ATAD2: variants seen among roughly 807,000 people sequenced by gnomAD.
The protein encoded by ATAD2 is ATPase family AAA domain containing 2, also known as ATPase family AAA domain-containing protein 2.
ATAD2 carries 62 observed loss-of-function variants against 168.9 expected under a neutral mutation model. The ratio of observed to expected loss-of-function variants is 0.37; its 90% CI spans 0.30 to 0.45. The LOEUF is 0.45. Among genes scored for constraint, ATAD2 ranks in the 20% least tolerant of loss-of-function variants. The pLI is 1.00. For missense variants in ATAD2, 1,419 were observed against 1,667.8 expected (o/e 0.85, Z 2.60); for synonymous variants, 613 against 571.6 (o/e 1.07, Z -1.03).
chr8:123,333,678 A>C (rs541449713), intron 24 of ATAD2, among the ~76,000 whole-genome samples, 200 bp downstream of exon 24: 1 of 152,202 alleles, frequency 6.6e-6, no homozygotes, highest in Non-Finnish European at 1.5e-5. Flanking sequence ...GACAGTCCAC[A>C]ATTAGATGGT....
intron 22 of ATAD2, among the ~76,000 whole-genome samples, chr8:123,334,920 T>G (rs933986331): frequency 6.6e-6 from 1 of 152,200 alleles, no homozygotes; most frequent in African/African-American, 2.4e-5. Context: ...TACAGTACAT[T>G]ACACGCAGAA....
At chr8:123,345,812 A>G in intron 18 of ATAD2, among the ~76,000 whole-genome samples, 1 of 152,264 alleles carries the variant, frequency 6.6e-6, no homozygotes, top group Non-Finnish European at 1.5e-5. Flanking sequence ...AATTCTCACA[A>G]CAGCCATGTG....
At chr8:123,367,553 G>C (rs974060286) in intron 8 of ATAD2, among the ~76,000 whole-genome samples, 1 of 152,030 alleles carries the variant, frequency 6.6e-6, no homozygotes, top group Non-Finnish European at 1.5e-5. Context: ...GTGGTGGTGG[G>C]GATTCTAGGG....
chr8:123,401,762 G>A (rs1440615197), intron 1 of ATAD2: 22 of 748,272 alleles, frequency 2.9e-5, no homozygotes, highest in East Asian at 9.9e-5. Flanking sequence ...GGCCCCCAGC[G>A]AATAGTTCTC....
chr8:123,387,664 G>C (rs915005020), intron 1 of ATAD2, among the ~76,000 whole-genome samples: 4 of 152,154 alleles, frequency 2.6e-5, no homozygotes, highest in African/African-American at 9.7e-5. Context: ...GAAGTTTTAA[G>C]AGAGGAAATG....
chr8:123,326,456 G>A (rs1427702379), intron 25 of ATAD2, among the ~76,000 whole-genome samples: 1 of 151,724 alleles, frequency 6.6e-6, no homozygotes, highest in East Asian at 1.9e-4. Context: ...AATCCCTTGA[G>A]TCCAGGAGTT....
chr8:123,348,030 A>G (rs374379681), intron 15 of ATAD2, 153 bp downstream of exon 15: 29 of 698,770 alleles, frequency 4.2e-5, no homozygotes, highest in Non-Finnish European at 7.3e-5. Context: ...ATAACCTTGT[A>G]TTTCTTTATT....
chr8:123,326,062 A>T, intron 25 of ATAD2, 36 bp from the exon 26 acceptor site: 1 of 1,601,902 alleles, frequency 6.2e-7, no homozygotes, highest in Non-Finnish European at 8.5e-7. Context: ...TATTTGGTCC[A>T]TAGATATTAT....
rs71310666 is a variant in ATAD2 at position 123,329,981 on chromosome 8, C to CTTTTTTTTTTTTTTTT, written c.3479-1418_3479-1403dup. 4.9e-4 allele frequency among the ~76,000 whole-genome samples: 49 copies of CTTTTTTTTTTTTTTTT among 100,312 alleles called. 2 individuals are homozygous for CTTTTTTTTTTTTTTTT. Among genetic ancestry groups the CTTTTTTTTTTTTTTTT allele is most frequent in the African/African-American group, 1.6e-3 (45 of 27,596 alleles). The allele number at this position is 100,312 out of a possible 152,430, so 65.8% of individuals were successfully genotyped here. On this transcript the variant is annotated intron_variant, in intron 24 of 27. Transcript: ENST00000287394. ...AGATTACCTTTCTCCCCAGTGGCTT[C>CTTTTTTTTTTTTTTTT]TTTTTTTTTTTTTTTTTTTTTTTTG...
chr8:123,391,869 G>T (rs772750339), intron 1 of ATAD2, among the ~76,000 whole-genome samples: 2 of 152,142 alleles, frequency 1.3e-5, no homozygotes, highest in Non-Finnish European at 2.9e-5. Flanking sequence ...TGCTCATTAT[G>T]TAACACTGTG....
intron 8 of ATAD2, among the ~76,000 whole-genome samples, chr8:123,366,309 G>C (rs1207278335): frequency 6.6e-6 from 1 of 152,110 alleles, no homozygotes; most frequent in African/African-American, 2.4e-5. Context: ...CTACACTGCT[G>C]GTGGAAAAGT....
chr8:123,380,727 A>G lies in ATAD2; in HGVS notation c.172-50T>C, dbSNP rs770152426. 245 of 1,561,858 alleles carry G rather than the reference A, an allele frequency of 1.6e-4. 1 individual carries two copies. Among genetic ancestry groups the G allele is most frequent in the Non-Finnish European group, 1.9e-4 (223 of 1,150,074 alleles). ...TCTAAGTTTTTCTTTACAAAACTCC[A>G]ATTTAAATTCCTCCAAAGAGTATTC... On this transcript the variant is annotated intron_variant, in intron 1 of 27. Transcript: ENST00000287394.
intron 24 of ATAD2, among the ~76,000 whole-genome samples, chr8:123,332,065 T>A (rs1022808024): frequency 6.6e-6 from 1 of 152,212 alleles, no homozygotes; most frequent in African/African-American, 2.4e-5. Flanking sequence ...CTTAACTTTT[T>A]AAAATAGACT....
chr8:123,347,430 A>T (rs1828285782), intron 15 of ATAD2, 24 bp from the exon 16 acceptor site: 2 of 1,552,722 alleles, frequency 1.3e-6, no homozygotes, highest in Admixed American at 2.0e-5. Context: ...CCAGGGGAAG[A>T]AAAGAACCAG....
At chr8:123,382,121 C>A (rs1471962596) in intron 1 of ATAD2, among the ~76,000 whole-genome samples, 1 of 152,104 alleles carries the variant, frequency 6.6e-6, no homozygotes, top group East Asian at 1.9e-4. Flanking sequence ...CTATGCCCTA[C>A]TACTCTGAAA....
intron 8 of ATAD2, among the ~76,000 whole-genome samples, chr8:123,363,400 T>G (rs1488907680): frequency 6.6e-6 from 1 of 152,216 alleles, no homozygotes; most frequent in East Asian, 1.9e-4. Flanking sequence ...GTTGCCACAC[T>G]ACATATGTTG....
chr8:123,405,377 C>G (rs1813055630), intron 1 of ATAD2, among the ~76,000 whole-genome samples: 1 of 151,818 alleles, frequency 6.6e-6, no homozygotes, highest in Non-Finnish European at 1.5e-5. Flanking sequence ...CTGCCTCAGC[C>G]TCCCGAGTAG....
intron 19 of ATAD2, among the ~76,000 whole-genome samples, chr8:123,342,852 A>AC (rs1305190967): frequency 6.6e-6 from 1 of 151,886 alleles, no homozygotes; most frequent in Non-Finnish European, 1.5e-5. Context: ...TATTTTTCCA[A>AC]CCTGCCAGAC....
upstream of ATAD2, among the ~76,000 whole-genome samples, chr8:123,400,367 C>T (rs1812979232): frequency 6.6e-6 from 1 of 151,834 alleles, no homozygotes; most frequent in Non-Finnish European, 1.5e-5. This position sits in a 1 kb window ranked among gnomAD's most constrained non-coding sequence, Gnocchi z 4.5. Flanking sequence ...CCCCAGGGAG[C>T]TTATTAAACA....
Sources: gnomAD v4.1 joint callset for allele counts (sites outside exome capture counted in the v4.1 genomes callset) on GRCh38, gnomAD v4.1.1 for gene constraint, Gnocchi (gnomAD v3.1) non-coding constraint, MANE v1.5 for transcripts, NCBI Gene and HGNC (gene_info 2026-07-23, HGNC 2026-07-21) for gene names.